Variants in SLC39A14 observed in about 807,000 individuals in gnomAD.
The protein encoded by SLC39A14 is solute carrier family 39 member 14.
SLC39A14 carries 19 observed loss-of-function variants against 45.5 expected under a neutral mutation model. The ratio of observed to expected loss-of-function variants is 0.42; its 90% CI spans 0.29 to 0.61. SLC39A14 has a LOEUF of 0.61. SLC39A14 is among the 20% of genes least tolerant of loss of function. The pLI is 0.22. For synonymous variants in SLC39A14, 264 were observed against 251.3 expected, an observed-to-expected ratio of 1.05 and a Z score of -0.48; for missense variants, 447 against 616.5, an observed-to-expected ratio of 0.73 and a Z score of 2.91.
In SLC39A14 at chr8:22,417,907, A is replaced by AT; in HGVS notation, c.1332+77dup. 3.0e-6 allele frequency: 4 copies of AT among 1,319,516 alleles called. No homozygotes were observed. The African/African-American group carries it at 6.0e-5, about 20-fold the overall frequency. The allele number at this position is 1,319,516 out of a possible 1,614,324, so 81.7% of individuals were successfully genotyped here. A position where few individuals can be genotyped will look rare whatever the true frequency, so the allele number is the denominator to read the frequency against. On this transcript the variant is annotated intron_variant, in intron 8 of 8. Coordinates refer to ENST00000381237, the MANE Select transcript of SLC39A14 (RefSeq NM_001128431.4). ...GATGTTAGGTAGGTAGTTTTTTTTT[A>AT]TTTTTATTTTTTTGAGATGGAGTCT...
intron 8 of SLC39A14, among the ~76,000 whole-genome samples, chr8:22,432,115 T>G (rs1836475640): frequency 6.6e-6 from 1 of 152,124 alleles, no homozygotes; most frequent in Non-Finnish European, 1.5e-5. Flanking sequence ...AGGATCGCTT[T>G]AGTCCAGGAG....
At chr8:22,379,063 G>T (rs1833360946) in intron 1 of SLC39A14, among the ~76,000 whole-genome samples, 1 of 152,164 alleles carries the variant, frequency 6.6e-6, no homozygotes, top group Non-Finnish European at 1.5e-5. Context: ...CCCAGCTTTT[G>T]GTGGCTCCTG....
intron 1 of SLC39A14, among the ~76,000 whole-genome samples, chr8:22,395,455 AT>A (rs1834332917): frequency 6.6e-6 from 1 of 152,164 alleles, no homozygotes; most frequent in Admixed American, 6.5e-5. Flanking sequence ...CTAGTGTTCC[AT>A]TTTTTGAACA....
chr8:22,388,997 C>T (rs1463263057), intron 1 of SLC39A14, among the ~76,000 whole-genome samples: 1 of 152,162 alleles, frequency 6.6e-6, no homozygotes, highest in Non-Finnish European at 1.5e-5. Flanking sequence ...TGCTGGCGCC[C>T]TGGTCGTGCC....
chr8:22,389,230 TG>T (rs1178581270), intron 1 of SLC39A14, among the ~76,000 whole-genome samples: 1 of 152,168 alleles, frequency 6.6e-6, no homozygotes, highest in Non-Finnish European at 1.5e-5. Context: ...TAGTGGGTTA[TG>T]GGGGGAAGTG....
Position 22,416,171 on chromosome 8 carries a change from C to G in SLC39A14, c.1038C>G (p.Leu346=). Reference sequence around the variant, plus strand: ...GGATGATCACTCTGAGCGACGGCCTCCATAATTTCATCGATGGCCTGGCCA... The same window carrying G: ...GGATGATCACTCTGAGCGACGGCCTGCATAATTTCATCGATGGCCTGGCCA... ...LAWMITLSDG[L]HNFIDGLAIG... is the part of the protein sequence containing the mutation. The change falls in exon 7 of 9, where the codon CTC becomes CTG. Residue 346 remains leucine (L), a synonymous_variant. Transcript: ENST00000381237. 1 of 1,614,090 alleles carries G rather than the reference C, an allele frequency of 6.2e-7. No individual in the cohort carries two copies. The highest frequency in any genetic ancestry group is 8.5e-7 in the Non-Finnish European group (1 of 1,180,014).
At position 22,417,245 on chromosome 8, in the gene SLC39A14, A is replaced by G. The variant is rs200600774; in HGVS notation, c.1148-406A>G. 4.5e-4 allele frequency among the ~76,000 whole-genome samples: 69 copies of G among 152,346 alleles called. No individual in the cohort carries two copies. The South Asian group carries it at 0.013, about 28-fold the overall frequency. On this transcript the variant is annotated intron_variant, in intron 7 of 8. Coordinates refer to ENST00000381237, the MANE Select transcript of SLC39A14 (RefSeq NM_001128431.4). ...GGAAGGGGGTTCCTTCTGTTTCACT[A>G]TGAATCCAGAGAGAAATGAGGAGGC... is the stretch of plus-strand genomic sequence containing the variant.
rs767764079 is a variant in SLC39A14 at position 22,415,736 on chromosome 8, T to C, written c.751-33T>C. On this transcript the variant is annotated intron_variant, in intron 5 of 8. Transcript: ENST00000381237. Reference sequence around the variant, plus strand: ...CAATCAGGTTTGTGGTTTTGGTGAATGTCATGCTGATCCCTCCCTGTCACC... The same window carrying C: ...CAATCAGGTTTGTGGTTTTGGTGAACGTCATGCTGATCCCTCCCTGTCACC... The C allele has an allele frequency of 1.9e-6, 3 of 1,597,712 alleles. No individual in the cohort carries two copies. In the African/African-American group the frequency reaches 4.1e-5, roughly 22 times the overall value.
intron 1 of SLC39A14, among the ~76,000 whole-genome samples, chr8:22,397,342 GC>G (rs1834550009): frequency 1.3e-5 from 2 of 152,158 alleles, no homozygotes; most frequent in African/African-American, 4.8e-5. Flanking sequence ...ACTTTGGGAG[GC>G]CGAGGCGGGC....
chr8:22,432,608 A>G (rs948764368), intron 8 of SLC39A14, among the ~76,000 whole-genome samples: 6 of 150,182 alleles, frequency 4.0e-5, no homozygotes, highest in African/African-American at 1.5e-4. Context: ...CCTCCCGAGT[A>G]GCTGGGACCA....
intron 8 of SLC39A14, among the ~76,000 whole-genome samples, chr8:22,418,351 T>G (rs1836014166): frequency 6.6e-6 from 1 of 152,202 alleles, no homozygotes; most frequent in Non-Finnish European, 1.5e-5. Flanking sequence ...GCATATGTCA[T>G]TAAAGAAAAT....
intron 8 of SLC39A14, among the ~76,000 whole-genome samples, chr8:22,431,577 G>A (rs535595413): frequency 2.8e-4 from 42 of 152,270 alleles, no homozygotes; most frequent in African/African-American, 7.5e-4. Flanking sequence ...TTTAGGAAGC[G>A]CTTAGGGAGT....
chr8:22,415,461 T>C (rs1197474771), intron 5 of SLC39A14: 1 of 290,840 alleles, frequency 3.4e-6, no homozygotes, highest in African/African-American at 2.3e-5. Flanking sequence ...TTGGTGCAGA[T>C]TTATATATAT....
At chr8:22,399,080 C>A (rs1016802360) in intron 1 of SLC39A14, among the ~76,000 whole-genome samples, 1 of 152,190 alleles carries the variant, frequency 6.6e-6, no homozygotes, top group African/African-American at 2.4e-5. Flanking sequence ...TGTCTCCTTC[C>A]CACTTGTCTT....
At chr8:22,396,722 C>T (rs11136030) in intron 1 of SLC39A14, among the ~76,000 whole-genome samples, 37,784 of 146,308 alleles carry the variant, frequency 0.26, 5,539 homozygotes, top group East Asian at 0.49. Context: ...TTTTTTTTTG[C>T]TCTTCCCCGG....
At chr8:22,397,607 ACCT>A (rs1390946021) in intron 1 of SLC39A14, among the ~76,000 whole-genome samples, 4 of 150,818 alleles carry the variant, frequency 2.7e-5, no homozygotes, top group African/African-American at 9.8e-5. Flanking sequence ...AAAAAGAAAG[ACCT>A]CCTCCTTCCA....
chr8:22,408,470 A>C lies in SLC39A14; in HGVS notation c.431A>C (p.Glu144Ala). Residue 144 changes from glutamate (E) to alanine (A), a missense_variant, in exon 3 of 9, where the codon GAG (glutamate) becomes GCG (alanine). Physicochemically the swap from Glu to Ala is moderately radical, Grantham distance 107. Coordinates refer to ENST00000381237, the MANE Select transcript of SLC39A14 (RefSeq NM_001128431.4). ...NQENEENEQT[E>A]EGRPSAVEVW... ...GAAAACGAGGAGAATGAGCAGACGG[A>C]GGAGGGGCGGCCAAGCGCTGTTGAA... 1 of 1,613,974 alleles carries C rather than the reference A, an allele frequency of 6.2e-7. No homozygotes were observed. The highest frequency in any genetic ancestry group is 8.5e-7 in the Non-Finnish European group (1 of 1,179,966).
At chr8:22,397,910 G>A (rs1285934450) in intron 1 of SLC39A14, among the ~76,000 whole-genome samples, 2 of 152,210 alleles carry the variant, frequency 1.3e-5, no homozygotes, top group Non-Finnish European at 2.9e-5. Context: ...AGTGGTGGGA[G>A]CTACCTTTGT....
At chr8:22,371,295 G>T (rs1391097483) in intron 1 of SLC39A14, among the ~76,000 whole-genome samples, 1 of 151,952 alleles carries the variant, frequency 6.6e-6, no homozygotes, top group African/African-American at 2.4e-5. Flanking sequence ...ATGAGAAGGT[G>T]AATGCCCTAC....
Sources: allele counts gnomAD v4.1 joint callset (sites outside exome capture counted in the v4.1 genomes callset), GRCh38; gene constraint gnomAD v4.1.1; transcripts MANE v1.5; gene names NCBI Gene and HGNC (gene_info 2026-07-23, HGNC 2026-07-21).